The following FAM83B variants were observed in gnomAD, a reference collection of about 807,000 sequenced individuals.
FAM83B encodes the protein scaffolding CK1 anchoring protein B.
In FAM83B, 26 loss-of-function variants were observed where a neutral mutation model predicts 38.8. The observed-to-expected ratio is 0.67, with a 90% CI of 0.49 to 0.93. The LOEUF (loss-of-function observed/expected upper bound fraction) is 0.93. FAM83B is among the 40% of genes least tolerant of loss of function. The probability of loss-of-function intolerance (pLI) is 0.00; values close to 1 mark genes in which losing one functional copy is unlikely to be tolerated. For missense variants in FAM83B, 1,237 were observed against 1,197.3 expected (o/e 1.03, Z -0.49); for synonymous variants, 419 against 423.1 (o/e 0.99, Z 0.12).
rs1291621057 is a variant in FAM83B at position 54,940,627 on chromosome 6, G to C, written c.1656G>C (p.Glu552Asp). 1.9e-6 allele frequency: 3 copies of C among 1,613,866 alleles called. No homozygotes were observed. Among genetic ancestry groups the C allele is most frequent in the African/African-American group, 2.7e-5 (2 of 74,884 alleles). ...SSLVFKPTLPEQKEVNSCTTG... is the reference protein window; with the variant it reads ...SSLVFKPTLPDQKEVNSCTTG... Reference sequence around the variant, plus strand: ...TAGTATTTAAACCCACTTTACCTGAGCAAAAGGAAGTTAACAGTTGTACAA... The same window carrying C: ...TAGTATTTAAACCCACTTTACCTGACCAAAAGGAAGTTAACAGTTGTACAA... Residue 552 changes from glutamate (E) to aspartate (D), a missense_variant, in exon 5 of 5, where the codon GAG (glutamate) becomes GAC (aspartate). By Grantham distance (45) the Glu-to-Asp change is conservative. Coordinates refer to ENST00000306858, the MANE Select transcript of FAM83B (RefSeq NM_001010872.3).
At chr6:54,860,557 A>G (rs1771560464) in intron 1 of FAM83B, among the ~76,000 whole-genome samples, 1 of 152,230 alleles carries the variant, frequency 6.6e-6, no homozygotes, top group Non-Finnish European at 1.5e-5. Context: ...AGTAACCAGG[A>G]TTGTGTGATA....
chr6:54,917,491 A>G (rs73431481), intron 2 of FAM83B, among the ~76,000 whole-genome samples: 3,685 of 152,174 alleles, frequency 0.024, 159 homozygotes, highest in African/African-American at 0.083. Context: ...TCTCACTTTA[A>G]TGCATACCTA....
At chr6:54,931,759 A>G (rs1024748040) in intron 4 of FAM83B, among the ~76,000 whole-genome samples, 2 of 151,998 alleles carry the variant, frequency 1.3e-5, no homozygotes, top group African/African-American at 4.8e-5. Context: ...CATTCAGTCA[A>G]TTAAAGTCTT....
chr6:54,888,664 T>C (rs532156470), intron 2 of FAM83B, among the ~76,000 whole-genome samples: 2 of 152,168 alleles, frequency 1.3e-5, no homozygotes, highest in African/African-American at 4.8e-5. Context: ...CTGTCTACTT[T>C]TAAGGATTTC....
intron 2 of FAM83B, among the ~76,000 whole-genome samples, chr6:54,908,458 G>A (rs999079214): frequency 6.6e-6 from 1 of 151,918 alleles, no homozygotes; most frequent in Non-Finnish European, 1.5e-5. Flanking sequence ...TATGCATTTA[G>A]CATAGATGAA....
intron 1 of FAM83B, among the ~76,000 whole-genome samples, chr6:54,862,159 C>A (rs1011633135): frequency 1.3e-5 from 2 of 152,222 alleles, no homozygotes; most frequent in African/African-American, 4.8e-5. Flanking sequence ...TTAACTTCTA[C>A]ATACATCAGA....
chr6:54,914,579 CT>C (rs1373518044), intron 2 of FAM83B, among the ~76,000 whole-genome samples: 1 of 152,128 alleles, frequency 6.6e-6, no homozygotes, highest in African/African-American at 2.4e-5. Flanking sequence ...TTCCTGCTGC[CT>C]TTGCTTTCAC....
At chr6:54,901,480 A>G (rs979212495) in intron 2 of FAM83B, among the ~76,000 whole-genome samples, 4 of 152,228 alleles carry the variant, frequency 2.6e-5, no homozygotes, top group African/African-American at 9.6e-5. Context: ...ATAATATATA[A>G]CACATCACAT....
chr6:54,932,993 T>C (rs1561929759), intron 4 of FAM83B, among the ~76,000 whole-genome samples: 1 of 152,164 alleles, frequency 6.6e-6, no homozygotes, highest in Admixed American at 6.6e-5. Flanking sequence ...CAATTTTTTT[T>C]CCTCAGACTT....
chr6:54,896,161 A>G (rs1002208422), intron 2 of FAM83B, among the ~76,000 whole-genome samples: 3 of 152,144 alleles, frequency 2.0e-5, no homozygotes, highest in African/African-American at 7.2e-5. Context: ...AAGTGCTGGG[A>G]TTACAGGTGT....
chr6:54,891,934 G>C (rs1305465096), intron 2 of FAM83B, among the ~76,000 whole-genome samples: 1 of 152,048 alleles, frequency 6.6e-6, no homozygotes, highest in Admixed American at 6.6e-5. Context: ...CAGGATTATA[G>C]GTATGAGCCA....
chr6:54,883,802 G>T (rs1341188946), intron 2 of FAM83B, among the ~76,000 whole-genome samples: 1 of 150,880 alleles, frequency 6.6e-6, no homozygotes, highest in Non-Finnish European at 1.5e-5. Context: ...TTAATTTATA[G>T]AAATTCTTAA....
intron 1 of FAM83B, among the ~76,000 whole-genome samples, chr6:54,866,502 T>G (rs1771710041): frequency 6.6e-6 from 1 of 152,152 alleles, no homozygotes; most frequent in Non-Finnish European, 1.5e-5. Flanking sequence ...ATTTTAAGAG[T>G]GCAGCATCTA....
chr6:54,916,834 C>T (rs1773052595), intron 2 of FAM83B, among the ~76,000 whole-genome samples: 1 of 152,224 alleles, frequency 6.6e-6, no homozygotes, highest in Admixed American at 6.5e-5. Context: ...CATTTTTCTA[C>T]TGAAATATCT....
intron 2 of FAM83B, among the ~76,000 whole-genome samples, chr6:54,881,577 A>G (rs559851018): frequency 6.6e-6 from 1 of 152,234 alleles, no homozygotes; most frequent in East Asian, 1.9e-4. Context: ...AAACTGAGTC[A>G]TAGTAGTCAT....
At chr6:54,848,047 A>G (rs1055953098) in intron 1 of FAM83B, among the ~76,000 whole-genome samples, 3 of 141,178 alleles carry the variant, frequency 2.1e-5, no homozygotes, top group Admixed American at 7.1e-5. Flanking sequence ...ACAGGAAGGG[A>G]GAGAGTGATG....
rs563576311 is a variant in FAM83B at position 54,859,436 on chromosome 6, C to T, written c.-60-10751C>T. ...CTTTAGTCAACTCTCACTCTGTTACCTTCAGTTATTAAGGCAGTATATCAT... is the reference window on the plus strand; with the variant it reads ...CTTTAGTCAACTCTCACTCTGTTACTTTCAGTTATTAAGGCAGTATATCAT... On this transcript the variant is annotated intron_variant, in intron 1 of 4. Coordinates refer to ENST00000306858, the MANE Select transcript of FAM83B (RefSeq NM_001010872.3). Among the ~76,000 whole-genome samples, 4 of 152,242 alleles carry T rather than the reference C, an allele frequency of 2.6e-5. No homozygotes were observed. In the South Asian group the frequency reaches 6.2e-4, roughly 24 times the overall value.
chr6:54,887,715 A>C (rs1188526298), intron 2 of FAM83B, among the ~76,000 whole-genome samples: 1 of 151,840 alleles, frequency 6.6e-6, no homozygotes, highest in Non-Finnish European at 1.5e-5. Context: ...TTGAAATTAC[A>C]TAACTATTTA....
At chr6:54,859,654 G>C (rs559467449) in intron 1 of FAM83B, among the ~76,000 whole-genome samples, 1 of 152,184 alleles carries the variant, frequency 6.6e-6, no homozygotes, top group East Asian at 1.9e-4. Context: ...ACTAGCCCCC[G>C]AGTGTTAGGC....
Sources: gnomAD v4.1 joint callset for allele counts (sites outside exome capture counted in the v4.1 genomes callset) on GRCh38, gnomAD v4.1.1 for gene constraint, MANE v1.5 for transcripts, NCBI Gene and HGNC (gene_info 2026-07-23, HGNC 2026-07-21) for gene names.